MTA3: variants seen among roughly 807,000 people sequenced by gnomAD.
MTA3 encodes the protein metastasis-associated protein MTA3.
MTA3 carries 34 observed loss-of-function variants against 83.5 expected under a neutral mutation model. The observed-to-expected ratio is 0.41, with a 90% CI of 0.31 to 0.54. MTA3 has a LOEUF of 0.54. MTA3 is among the 20% of genes least tolerant of loss of function. The pLI is 0.33. For missense variants in MTA3, 761 were observed against 726.4 expected (o/e 1.05, Z -0.55); for synonymous variants, 303 against 252.7 (o/e 1.20, Z -1.89).
chr2:42,567,230 C>T (rs1296825829), upstream of MTA3, among the ~76,000 whole-genome samples: 1 of 152,192 alleles, frequency 6.6e-6, no homozygotes, highest in East Asian at 1.9e-4. Flanking sequence ...CGCAACTGAT[C>T]CTTACCACAC....
At position 42,753,685 on chromosome 2, in the gene MTA3, C is replaced by G. The variant is rs1218659810; in HGVS notation, c.*286C>G. On this transcript the variant is annotated 3_prime_UTR_variant, in exon 17 of 17. Transcript: ENST00000405094. ...AGGGGCTGAGGGAACCCCTCCACCTCCTCCCTTCTGCAGCGCCCTGCGCCC... is the reference window on the plus strand; with the variant it reads ...AGGGGCTGAGGGAACCCCTCCACCTGCTCCCTTCTGCAGCGCCCTGCGCCC... 7.8e-7 allele frequency: 1 copy of G among 1,276,318 alleles called. No individual in the cohort carries two copies. Among genetic ancestry groups the G allele is most frequent in the Non-Finnish European group, 1.0e-6 (1 of 1,002,138 alleles). The allele number at this position is 1,276,318 out of a possible 1,614,324, so 79.1% of individuals were successfully genotyped here.
At position 42,593,685 on chromosome 2, in the gene MTA3, T is replaced by A. The variant is rs530997303; in HGVS notation, c.190+14485T>A. Reference sequence around the variant, plus strand: ...ACTCGGAGGACTATGGCATCTATCTTTATTTATTTATTGATATGGAGTCTT... The same window carrying A: ...ACTCGGAGGACTATGGCATCTATCTATATTTATTTATTGATATGGAGTCTT... On this transcript the variant is annotated intron_variant, in intron 3 of 16. Transcript: ENST00000405094. Among the ~76,000 whole-genome samples the A allele has an allele frequency of 5.5e-4, 74 of 133,660 alleles. 1 individual carries two copies. Among genetic ancestry groups the A allele is most frequent in the African/African-American group, 2.1e-3 (72 of 34,052 alleles). 87.7% of individuals were successfully genotyped at this position (133,660 alleles called of 152,430 possible). A position where few individuals can be genotyped will look rare whatever the true frequency, so the allele number is the denominator to read the frequency against.
At chr2:42,724,186 T>C (rs1667631768) in intron 16 of MTA3, among the ~76,000 whole-genome samples, 1 of 151,950 alleles carries the variant, frequency 6.6e-6, no homozygotes, top group Non-Finnish European at 1.5e-5. Flanking sequence ...GGCTTGAATG[T>C]AATCTAGAAT....
At chr2:42,696,503 T>A (rs1240372188) in intron 10 of MTA3, among the ~76,000 whole-genome samples, 1 of 152,216 alleles carries the variant, frequency 6.6e-6, no homozygotes, top group Non-Finnish European at 1.5e-5. Context: ...ATATTAGAAC[T>A]GATAAAAAGG....
chr2:42,740,800 A>G (rs1373857607), intron 16 of MTA3, among the ~76,000 whole-genome samples: 2 of 152,266 alleles, frequency 1.3e-5, no homozygotes, highest in Admixed American at 1.3e-4. Flanking sequence ...CATAGGCAGA[A>G]TAGATTAAGC....
chr2:42,714,334 G>A (rs1666869283), intron 14 of MTA3, among the ~76,000 whole-genome samples: 1 of 151,438 alleles, frequency 6.6e-6, no homozygotes, highest in South Asian at 2.1e-4. Context: ...TTGACTTTAT[G>A]GTGTATTTGC....
At chr2:42,566,499 C>T (rs776330319), upstream of MTA3, among the ~76,000 whole-genome samples, 8 of 152,038 alleles carry the variant, frequency 5.3e-5, no homozygotes, top group Non-Finnish European at 7.4e-5. Context: ...GAGCAAAAAA[C>T]GGTTCTAAGG....
chr2:42,550,866 A>G (rs1677074501), intron 2 of MTA3, among the ~76,000 whole-genome samples: 1 of 151,744 alleles, frequency 6.6e-6, no homozygotes, highest in South Asian at 2.1e-4. Context: ...ACATGGCGAA[A>G]CCCCATCTCT....
intron 6 of MTA3, among the ~76,000 whole-genome samples, chr2:42,652,708 T>G (rs1413125032): frequency 1.3e-5 from 2 of 152,186 alleles, no homozygotes; most frequent in Non-Finnish European, 2.9e-5. Context: ...TTTCTTTATA[T>G]AAAATCTCCA....
At chr2:42,601,545 G>A (rs1311742783) in intron 3 of MTA3, among the ~76,000 whole-genome samples, 3 of 152,280 alleles carry the variant, frequency 2.0e-5, no homozygotes, top group African/African-American at 7.2e-5. Flanking sequence ...GCCGCCACAC[G>A]ACTAACTTTC....
intron 2 of MTA3, among the ~76,000 whole-genome samples, chr2:42,497,507 C>T (rs996364798): frequency 6.6e-6 from 1 of 151,900 alleles, no homozygotes. Flanking sequence ...ATCGCTTGAA[C>T]CCGGGAGGCA....
intron 16 of MTA3, among the ~76,000 whole-genome samples, chr2:42,750,904 C>G (rs538206064): frequency 2.6e-5 from 4 of 152,312 alleles, no homozygotes; most frequent in African/African-American, 9.6e-5. Flanking sequence ...GCCTTTAACT[C>G]CTCTTCCTTG....
At chr2:42,614,425 A>C (rs961074260) in intron 4 of MTA3, among the ~76,000 whole-genome samples, 1 of 152,202 alleles carries the variant, frequency 6.6e-6, no homozygotes, top group Non-Finnish European at 1.5e-5. Flanking sequence ...CAAATATTCA[A>C]TAACTTTTAA....
chr2:42,654,352 T>G (rs10208367), intron 6 of MTA3, among the ~76,000 whole-genome samples: 25 of 152,106 alleles, frequency 1.6e-4, no homozygotes, highest in Non-Finnish European at 3.1e-4. Flanking sequence ...GGGGAATGGT[T>G]GGCTTCAGAG....
At chr2:42,585,155 C>T (rs1371312875) in intron 3 of MTA3, among the ~76,000 whole-genome samples, 1 of 151,630 alleles carries the variant, frequency 6.6e-6, no homozygotes, top group Non-Finnish European at 1.5e-5. Context: ...ATGGCGCGAT[C>T]TCCGGCTCAC....
At chr2:42,653,058 A>G (rs903105827) in intron 6 of MTA3, among the ~76,000 whole-genome samples, 3 of 152,246 alleles carry the variant, frequency 2.0e-5, no homozygotes, top group Non-Finnish European at 2.9e-5. Context: ...CTTTGTCAGT[A>G]TTTTGTAGAG....
intron 3 of MTA3, among the ~76,000 whole-genome samples, chr2:42,594,768 C>G (rs1453535174): frequency 2.1e-5 from 1 of 46,620 alleles, no homozygotes; most frequent in Non-Finnish European, 3.6e-5. Context: ...ACTCTGTTGC[C>G]CAGGCTGGAG....
chr2:42,707,075 C>T (rs1301382098), intron 12 of MTA3, among the ~76,000 whole-genome samples: 2 of 151,232 alleles, frequency 1.3e-5, no homozygotes, highest in Admixed American at 6.6e-5. Flanking sequence ...AGCAGTCCTG[C>T]TGCCTCAGTC....
intron 2 of MTA3, among the ~76,000 whole-genome samples, chr2:42,554,987 C>T (rs1677306426): frequency 6.6e-6 from 1 of 151,994 alleles, no homozygotes. Context: ...CCCGTCTTCA[C>T]TAAAAATACA....
Sources: allele counts gnomAD v4.1 joint callset (sites outside exome capture counted in the v4.1 genomes callset), GRCh38; gene constraint gnomAD v4.1.1; transcripts MANE v1.5; gene names NCBI Gene and HGNC (gene_info 2026-07-23, HGNC 2026-07-21).